The following TAFA1 variants were observed in gnomAD, a reference collection of about 807,000 sequenced individuals.
TAFA1 encodes the protein TAFA chemokine like family member 1.
TAFA1 carries 4 observed loss-of-function variants against 18.5 expected under a neutral mutation model. That is an observed-to-expected ratio of 0.22 (90% CI 0.11 to 0.49). The LOEUF (loss-of-function observed/expected upper bound fraction) is 0.49, where lower values mean the gene tolerates loss of function less well. Ranked by LOEUF, TAFA1 falls within the 20% of genes least tolerant of loss-of-function variation. The probability of loss-of-function intolerance (pLI) is 0.98; values close to 1 mark genes in which losing one functional copy is unlikely to be tolerated. For missense variants in TAFA1, 147 were observed against 169.0 expected (o/e 0.87, Z 0.72); for synonymous variants, 56 against 55.2 (o/e 1.01, Z -0.06).
intron 2 of TAFA1, among the ~76,000 whole-genome samples, chr3:68,065,532 G>A (rs1055046095): frequency 3.9e-5 from 6 of 152,126 alleles, no homozygotes; most frequent in Admixed American, 2.6e-4. Context: ...ATGAATGCTT[G>A]AATCCTATTC....
At chr3:68,008,207 A>C (rs1704402389) in intron 2 of TAFA1, among the ~76,000 whole-genome samples, 2 of 152,204 alleles carry the variant, frequency 1.3e-5, no homozygotes, top group African/African-American at 4.8e-5. Flanking sequence ...CTGTGTCCTG[A>C]GCCTGGCGCG....
intron 2 of TAFA1, among the ~76,000 whole-genome samples, chr3:68,091,810 G>A (rs954065682): frequency 2.6e-5 from 4 of 152,062 alleles, no homozygotes; most frequent in African/African-American, 9.7e-5. Context: ...TGCTGGGATC[G>A]AGACAAGAAC....
At chr3:68,399,124 G>A (rs1265798806) in intron 2 of TAFA1, among the ~76,000 whole-genome samples, 1 of 152,046 alleles carries the variant, frequency 6.6e-6, no homozygotes, top group African/African-American at 2.4e-5. Flanking sequence ...AAACATCAAA[G>A]GTGATAATAA....
At chr3:68,097,124 G>T (rs1309808177) in intron 2 of TAFA1, among the ~76,000 whole-genome samples, 1 of 152,016 alleles carries the variant, frequency 6.6e-6, no homozygotes, top group African/African-American at 2.4e-5. Flanking sequence ...TGCATTTTCC[G>T]ACCTTGTGTT....
chr3:68,332,702 A>G (rs1559621277), intron 2 of TAFA1, among the ~76,000 whole-genome samples: 1 of 152,224 alleles, frequency 6.6e-6, no homozygotes, highest in Non-Finnish European at 1.5e-5. Context: ...ATATAAATCA[A>G]AATCACTGTG....
intron 2 of TAFA1, among the ~76,000 whole-genome samples, chr3:68,047,681 A>T (rs2064406857): frequency 6.6e-6 from 1 of 152,144 alleles, no homozygotes; most frequent in East Asian, 1.9e-4. Flanking sequence ...TATTGGCAAT[A>T]TTTACATCTA....
intron 3 of TAFA1, among the ~76,000 whole-genome samples, chr3:68,447,306 A>G (rs116332318): frequency 0.011 from 1,747 of 152,294 alleles, 40 homozygotes; most frequent in South Asian, 0.039. Context: ...TCATCTCACT[A>G]TTGAGTGCTA....
At chr3:68,307,234 G>C (rs2068438056) in intron 2 of TAFA1, among the ~76,000 whole-genome samples, 1 of 152,130 alleles carries the variant, frequency 6.6e-6, no homozygotes, top group Admixed American at 6.6e-5. Flanking sequence ...GATGAAAAAA[G>C]TTACTTAGAG....
At chr3:68,351,364 C>A (rs1014386657) in intron 2 of TAFA1, among the ~76,000 whole-genome samples, 10 of 152,128 alleles carry the variant, frequency 6.6e-5, no homozygotes, top group African/African-American at 2.4e-4. Flanking sequence ...TTGTTGGAAT[C>A]AGATAAATTG....
chr3:68,449,962 G>A (rs1389239439), intron 3 of TAFA1, among the ~76,000 whole-genome samples: 2 of 152,176 alleles, frequency 1.3e-5, no homozygotes, highest in African/African-American at 4.8e-5. Flanking sequence ...TGGACATTGT[G>A]TATGCAGCCC....
At chr3:68,493,661 A>G (rs1420218009) in intron 3 of TAFA1, among the ~76,000 whole-genome samples, 14 of 152,236 alleles carry the variant, frequency 9.2e-5, no homozygotes, top group African/African-American at 2.4e-5. Flanking sequence ...TATTTTTTAT[A>G]GTAGCCATCC....
chr3:68,354,269 A>T (rs1195626073), intron 2 of TAFA1, among the ~76,000 whole-genome samples: 1 of 152,018 alleles, frequency 6.6e-6, no homozygotes, highest in African/African-American at 2.4e-5. Context: ...TTCACATAAA[A>T]GATGTGGATT....
At chr3:67,999,360 G>A (rs1344055096), upstream of TAFA1, among the ~76,000 whole-genome samples, 1 of 150,922 alleles carries the variant, frequency 6.6e-6, no homozygotes, top group Non-Finnish European at 1.5e-5. Context: ...ACATTAGATT[G>A]GGAAAGTTGT....
intron 2 of TAFA1, among the ~76,000 whole-genome samples, chr3:68,362,042 T>C (rs2069477277): frequency 6.6e-6 from 1 of 152,126 alleles, no homozygotes; most frequent in African/African-American, 2.4e-5. Context: ...GGAGAAAATG[T>C]CTTTTACTTC....
intron 2 of TAFA1, among the ~76,000 whole-genome samples, chr3:68,079,444 G>A (rs916997358): frequency 2.6e-5 from 4 of 151,884 alleles, no homozygotes; most frequent in African/African-American, 9.7e-5. Context: ...TCTCTTATGG[G>A]CATTTAATGC....
intron 2 of TAFA1, among the ~76,000 whole-genome samples, chr3:68,412,129 T>C (rs1396769492): frequency 6.6e-6 from 1 of 152,186 alleles, no homozygotes; most frequent in Non-Finnish European, 1.5e-5. Flanking sequence ...AAGGAAGATA[T>C]GGCCTGGGGT....
At chr3:68,437,058 T>C (rs2071278627) in intron 3 of TAFA1, among the ~76,000 whole-genome samples, 1 of 152,088 alleles carries the variant, frequency 6.6e-6, no homozygotes, top group Non-Finnish European at 1.5e-5. Context: ...ATGAAAGAAG[T>C]AAGAAGACAG....
chr3:68,471,115 A>G (rs1436432661), intron 3 of TAFA1, among the ~76,000 whole-genome samples: 2 of 152,210 alleles, frequency 1.3e-5, no homozygotes, highest in African/African-American at 4.8e-5. Context: ...GGCAGCTTCC[A>G]TGTGGTATTG....
At chr3:68,361,747 A>G (rs2069472989) in intron 2 of TAFA1, among the ~76,000 whole-genome samples, 1 of 152,064 alleles carries the variant, frequency 6.6e-6, no homozygotes, top group Non-Finnish European at 1.5e-5. Flanking sequence ...ATGAGCATGT[A>G]TTATTTGTAA....
Sources: allele counts gnomAD v4.1 joint callset (sites outside exome capture counted in the v4.1 genomes callset), GRCh38; gene constraint gnomAD v4.1.1; transcripts MANE v1.5; gene names NCBI Gene and HGNC (gene_info 2026-07-23, HGNC 2026-07-21).